ARL15: variants seen among roughly 807,000 people sequenced by gnomAD.
The protein encoded by ARL15 is ARF like GTPase 15, also known as ADP-ribosylation factor-like protein 15.
Under a neutral mutation model 25.2 loss-of-function variants are expected in ARL15, and 19 were observed. That is an observed-to-expected ratio of 0.75 (90% CI 0.53 to 1.10). The LOEUF is 1.10. Among genes scored for constraint, ARL15 ranks in the 50% least tolerant of loss-of-function variants. ARL15 has a pLI of 0.00. For synonymous variants in ARL15, 94 were observed against 86.8 expected (o/e 1.08, Z -0.46); for missense variants, 220 against 246.0 (o/e 0.89, Z 0.71).
intron 4 of ARL15, among the ~76,000 whole-genome samples, chr5:54,021,540 C>A (rs1030102435): frequency 1.3e-5 from 2 of 152,084 alleles, no homozygotes; most frequent in Non-Finnish European, 2.9e-5. Flanking sequence ...ATCAGCGTAC[C>A]TGAATTTCTT....
chr5:54,117,395 A>G (rs1222930357), intron 3 of ARL15, among the ~76,000 whole-genome samples: 2 of 151,444 alleles, frequency 1.3e-5, no homozygotes, highest in African/African-American at 4.8e-5. Context: ...ACACACACAC[A>G]CACACACACA....
chr5:53,996,536 T>G (rs1178081120), intron 4 of ARL15, among the ~76,000 whole-genome samples: 3 of 150,452 alleles, frequency 2.0e-5, no homozygotes, highest in African/African-American at 7.4e-5. Context: ...CGAGAATTGC[T>G]TGAACCCGGG....
intron 1 of ARL15, among the ~76,000 whole-genome samples, chr5:54,217,070 G>T (rs1254433752): frequency 6.6e-6 from 1 of 151,994 alleles, no homozygotes; most frequent in Non-Finnish European, 1.5e-5. Context: ...AGGAAAACGA[G>T]ATAAACAGTT....
intron 1 of ARL15, among the ~76,000 whole-genome samples, chr5:54,286,484 C>A (rs1442514345): frequency 6.6e-6 from 1 of 152,188 alleles, no homozygotes; most frequent in Admixed American, 6.5e-5. Flanking sequence ...GAAATTCAAT[C>A]ACAAAGATTT....
At chr5:54,060,540 C>T (rs891081239) in intron 4 of ARL15, among the ~76,000 whole-genome samples, 4 of 152,310 alleles carry the variant, frequency 2.6e-5, no homozygotes, top group African/African-American at 9.6e-5. Flanking sequence ...ATGTGACTTG[C>T]TCCCCCTTGC....
At chr5:54,077,744 A>C (rs906507815) in intron 4 of ARL15, among the ~76,000 whole-genome samples, 3 of 152,136 alleles carry the variant, frequency 2.0e-5, no homozygotes, top group African/African-American at 7.2e-5. Context: ...TAAGTTGTGA[A>C]CCTTAATCCA....
rs1468752654 is a variant in ARL15 at position 53,886,678 on chromosome 5, A to G, written c.498T>C (p.Arg166=). The G allele has an allele frequency of 1.9e-6, 3 of 1,573,070 alleles. No homozygotes were observed. Among genetic ancestry groups the G allele is most frequent in the Non-Finnish European group, 2.6e-6 (3 of 1,158,504 alleles). The part of the protein sequence containing the change: ...KKYFELEPLA[R]GKRWILQPCS... ...AGGGCTGTAGAATCCAGCGTTTTCC[A>G]CGTGCAAGTGGTTCAAGTTCAAAAT... is the stretch of plus-strand genomic sequence containing the variant. Residue 166 remains arginine, a synonymous_variant, in exon 5 of 5, where the codon CGT becomes CGC. Transcript: ENST00000504924.
intron 1 of ARL15, among the ~76,000 whole-genome samples, chr5:54,302,594 T>C (rs1390664956): frequency 1.3e-5 from 2 of 151,800 alleles, no homozygotes; most frequent in Non-Finnish European, 2.9e-5. Context: ...ATGCCAGCCA[T>C]GTATTTAGCG....
intron 4 of ARL15, among the ~76,000 whole-genome samples, chr5:54,078,518 A>G (rs1276011752): frequency 1.3e-5 from 2 of 152,228 alleles, no homozygotes; most frequent in Non-Finnish European, 2.9e-5. Flanking sequence ...GAGAAGGCAT[A>G]CTAGTACTCC....
chr5:54,113,038 C>T, intron 4 of ARL15, 164 bp downstream of exon 4: 2 of 667,666 alleles, frequency 3.0e-6, no homozygotes, highest in Non-Finnish European at 5.0e-6. Context: ...TAAACAAGTG[C>T]TAACAGATTG....
intron 1 of ARL15, chr5:54,285,399 A>C: frequency 1.2e-6 from 1 of 819,690 alleles, no homozygotes; most frequent in Non-Finnish European, 1.5e-6. Flanking sequence ...AAAGGAGAAA[A>C]CAAAACTTCA....
intron 1 of ARL15, among the ~76,000 whole-genome samples, chr5:54,217,200 C>T (rs1015866136): frequency 4.8e-5 from 7 of 145,252 alleles, no homozygotes; most frequent in South Asian, 2.2e-4. Context: ...CAATGCTTTT[C>T]TTTTTTTTTT....
chr5:54,249,686 A>AG (rs1204304577), intron 1 of ARL15, among the ~76,000 whole-genome samples: 1 of 151,996 alleles, frequency 6.6e-6, no homozygotes, highest in Non-Finnish European at 1.5e-5. Flanking sequence ...AAAAAAAAAA[A>AG]AAAAAACTTT....
At chr5:54,135,195 C>A (rs144254469) in intron 3 of ARL15, among the ~76,000 whole-genome samples, 1 of 152,062 alleles carries the variant, frequency 6.6e-6, no homozygotes, top group Non-Finnish European at 1.5e-5. Flanking sequence ...ATGGGAAAGA[C>A]ATGACTAAAA....
At chr5:54,165,948 A>G (rs1232774044) in intron 2 of ARL15, among the ~76,000 whole-genome samples, 1 of 151,976 alleles carries the variant, frequency 6.6e-6, no homozygotes, top group African/African-American at 2.4e-5. Context: ...CAGGCCTTCA[A>G]CTGGCTGGAT....
intron 2 of ARL15, among the ~76,000 whole-genome samples, chr5:54,159,121 C>T (rs1026927812): frequency 3.3e-5 from 5 of 152,150 alleles, no homozygotes; most frequent in African/African-American, 1.2e-4. Flanking sequence ...ATTCATTGTC[C>T]TCCTGTTTAT....
intron 4 of ARL15, among the ~76,000 whole-genome samples, chr5:54,060,963 C>T (rs761258713): frequency 1.3e-5 from 2 of 152,170 alleles, no homozygotes; most frequent in Non-Finnish European, 2.9e-5. Context: ...AAGAAAATCC[C>T]ATTTTCTGAG....
At chr5:54,170,441 G>A (rs1754683297) in intron 2 of ARL15, among the ~76,000 whole-genome samples, 2 of 152,150 alleles carry the variant, frequency 1.3e-5, no homozygotes. Flanking sequence ...CTATCTACAC[G>A]AAAAGCCCAA....
At chr5:54,269,791 G>A (rs963494913) in intron 1 of ARL15, among the ~76,000 whole-genome samples, 31 of 152,244 alleles carry the variant, frequency 2.0e-4, no homozygotes, top group African/African-American at 7.2e-4. Flanking sequence ...GATTACAGAT[G>A]CCTGCCACCA....
Sources: allele counts gnomAD v4.1 joint callset (sites outside exome capture counted in the v4.1 genomes callset), GRCh38; gene constraint gnomAD v4.1.1; transcripts MANE v1.5; gene names NCBI Gene and HGNC (gene_info 2026-07-23, HGNC 2026-07-21).